ZNF618: variants seen among roughly 807,000 people sequenced by gnomAD.
ZNF618 encodes the protein zinc finger protein 618.
In ZNF618, 34 loss-of-function variants were observed where a neutral mutation model predicts 103.0. That is an observed-to-expected ratio of 0.33 (90% confidence interval 0.25 to 0.44). ZNF618 has a LOEUF of 0.44. Among genes scored for constraint, ZNF618 ranks in the 20% least tolerant of loss-of-function variants. ZNF618 has a pLI of 1.00. For missense variants in ZNF618, 1,059 were observed against 1,295.4 expected, an observed-to-expected ratio of 0.82 and a Z score of 2.80; for synonymous variants, 551 against 542.2, an observed-to-expected ratio of 1.02 and a Z score of -0.23.
Position 114,051,769 on chromosome 9 carries a change from C to T in ZNF618, c.*1602C>T, listed in dbSNP as rs1161426134. 3 of 152,312 alleles carry T rather than the reference C, an allele frequency of 2.0e-5. No individual in the cohort carries two copies. The highest frequency in any genetic ancestry group is 2.9e-5 in the Non-Finnish European group (2 of 68,162). 9.4% of individuals were successfully genotyped at this position (152,312 alleles called of 1,614,324 possible). On this transcript the variant is annotated 3_prime_UTR_variant, in exon 15 of 15. Coordinates refer to ENST00000374126, the MANE Select transcript of ZNF618 (RefSeq NM_001318042.2). Reference sequence around the variant, plus strand: ...GTCTTCAGGCTTTTCTCTCCTGTTCCCCCAGCTGTGAGCAAATTAGGTTCT... The same window carrying T: ...GTCTTCAGGCTTTTCTCTCCTGTTCTCCCAGCTGTGAGCAAATTAGGTTCT...
intron 1 of ZNF618, among the ~76,000 whole-genome samples, chr9:113,940,798 C>G (rs1336823640): frequency 1.3e-5 from 2 of 152,162 alleles, no homozygotes; most frequent in African/African-American, 4.8e-5. Context: ...TCTCTGTAAT[C>G]CCCTTTATTT....
chr9:113,934,353 C>G (rs1239047624), intron 1 of ZNF618, among the ~76,000 whole-genome samples: 4 of 152,064 alleles, frequency 2.6e-5, no homozygotes, highest in Non-Finnish European at 4.4e-5. Flanking sequence ...TGCCCCAGGC[C>G]CAGCCTCAGG....
intron 5 of ZNF618, 83 bp downstream of exon 5, chr9:114,002,156 G>T: frequency 8.1e-7 from 1 of 1,233,548 alleles, no homozygotes; most frequent in South Asian, 1.2e-5. Context: ...CCTCGTGGGT[G>T]ACCCCAGAGG....
intron 1 of ZNF618, among the ~76,000 whole-genome samples, chr9:113,880,859 A>G (rs772060932): frequency 2.0e-5 from 3 of 152,212 alleles, no homozygotes; most frequent in Non-Finnish European, 4.4e-5. Context: ...CTGCAGGTAT[A>G]CTGCACTTTA....
At chr9:114,043,745 G>A (rs1845418453) in intron 13 of ZNF618, among the ~76,000 whole-genome samples, 1 of 152,146 alleles carries the variant, frequency 6.6e-6, no homozygotes, top group South Asian at 2.1e-4. Flanking sequence ...GGCCATTCTT[G>A]CAGGAGTAAG....
At chr9:113,909,125 A>ACT (rs140553852) in intron 1 of ZNF618, among the ~76,000 whole-genome samples, 4 of 150,356 alleles carry the variant, frequency 2.7e-5, no homozygotes, top group African/African-American at 9.8e-5. Context: ...GAGCAAGGAC[A>ACT]CTCTCTCTCT....
intron 1 of ZNF618, among the ~76,000 whole-genome samples, chr9:113,944,852 T>A (rs953629341): frequency 6.6e-6 from 1 of 152,198 alleles, no homozygotes; most frequent in African/African-American, 2.4e-5. Flanking sequence ...TGACAGCCCA[T>A]CTCAGTTTGG....
chr9:113,883,999 C>G (rs934569744), intron 1 of ZNF618, among the ~76,000 whole-genome samples: 2 of 56,666 alleles, frequency 3.5e-5, no homozygotes, highest in South Asian at 7.2e-4. Context: ...CCCCCCCCCC[C>G]CCCGCCCTGT....
At chr9:114,042,505 A>G (rs1322007180) in intron 13 of ZNF618, among the ~76,000 whole-genome samples, 1 of 151,994 alleles carries the variant, frequency 6.6e-6, no homozygotes, top group African/African-American at 2.4e-5. Context: ...ACATAGCATG[A>G]CCCTGTGTCT....
chr9:113,940,588 G>T (rs1588102620), intron 1 of ZNF618, among the ~76,000 whole-genome samples: 2 of 147,842 alleles, frequency 1.4e-5, no homozygotes, highest in East Asian at 4.0e-4. Flanking sequence ...TGGGGGGGTG[G>T]TTCTTGATAA....
At chr9:113,988,662 C>T (rs957607147) in intron 3 of ZNF618, 82 bp downstream of exon 3, 17 of 1,477,600 alleles carry the variant, frequency 1.2e-5, no homozygotes, top group Non-Finnish European at 1.5e-5. Context: ...CGGCCTGGCG[C>T]CTCTGCCCCC....
At chr9:114,046,413 T>C (rs1017325535) in intron 13 of ZNF618, among the ~76,000 whole-genome samples, 2 of 152,218 alleles carry the variant, frequency 1.3e-5, no homozygotes, top group African/African-American at 4.8e-5. Flanking sequence ...TGTACAGGTT[T>C]GTAGCCTAGA....
At chr9:113,894,316 A>G (rs977263381) in intron 1 of ZNF618, among the ~76,000 whole-genome samples, 2 of 152,204 alleles carry the variant, frequency 1.3e-5, no homozygotes, top group Non-Finnish European at 2.9e-5. Context: ...TGACCATTAC[A>G]TATTTGTGCC....
At chr9:113,914,835 T>A (rs1340342399) in intron 1 of ZNF618, among the ~76,000 whole-genome samples, 1 of 152,142 alleles carries the variant, frequency 6.6e-6, no homozygotes, top group African/African-American at 2.4e-5. Flanking sequence ...CCCACCTGTT[T>A]TGACAACTTG....
intron 4 of ZNF618, among the ~76,000 whole-genome samples, chr9:113,998,826 G>T (rs1438151692): frequency 1.3e-5 from 2 of 152,192 alleles, no homozygotes; most frequent in Non-Finnish European, 2.9e-5. Flanking sequence ...CTTTTTGCTG[G>T]GGTGCATTCA....
chr9:113,938,238 T>G (rs1834207869), intron 1 of ZNF618, among the ~76,000 whole-genome samples: 1 of 139,760 alleles, frequency 7.2e-6, no homozygotes, highest in East Asian at 2.3e-4. Flanking sequence ...GCCATGATCA[T>G]AGCTCACTGC....
intron 4 of ZNF618, among the ~76,000 whole-genome samples, chr9:113,999,902 T>A (rs1841010085): frequency 6.6e-6 from 1 of 152,162 alleles, no homozygotes; most frequent in South Asian, 2.1e-4. Context: ...CAGAAACTGC[T>A]GAAGAGTGGG....
intron 1 of ZNF618, among the ~76,000 whole-genome samples, chr9:113,886,430 C>T (rs934243183): frequency 2.0e-5 from 3 of 151,954 alleles, no homozygotes; most frequent in African/African-American, 4.8e-5. Context: ...AGTCGGGGAA[C>T]TTAGAATACT....
At position 113,920,405 on chromosome 9, in the gene ZNF618, ATT is replaced by A. The variant is rs35271347; in HGVS notation, c.33+44007_33+44008del. On this transcript the variant is annotated intron_variant, in intron 1 of 14. Coordinates refer to ENST00000374126, the MANE Select transcript of ZNF618 (RefSeq NM_001318042.2). ...TTTTTTACTTATTTTCAGAGTCACA[ATT>A]TTTTTTTTTTTTTTGAGATAGTCTC... is the stretch of plus-strand genomic sequence containing the variant. Among the ~76,000 whole-genome samples, 392 of 142,672 alleles carry A rather than the reference ATT, an allele frequency of 2.7e-3. 1 individual carries two copies. Among genetic ancestry groups the A allele is most frequent in the African/African-American group, 5.6e-3 (215 of 38,576 alleles). 93.6% of individuals were successfully genotyped at this position (142,672 alleles called of 152,430 possible).
Sources: gnomAD v4.1 joint callset for allele counts (sites outside exome capture counted in the v4.1 genomes callset) on GRCh38, gnomAD v4.1.1 for gene constraint, MANE v1.5 for transcripts, NCBI Gene and HGNC (gene_info 2026-07-23, HGNC 2026-07-21) for gene names.